Variants in PPP2R3B observed in about 807,000 individuals in gnomAD.
PPP2R3B encodes the protein serine/threonine-protein phosphatase 2A regulatory subunit B'' subunit beta.
A neutral mutation model predicts 72.9 loss-of-function variants in PPP2R3B; 68 were observed. The ratio of observed to expected loss-of-function variants is 0.93; its 90% CI spans 0.77 to 1.14. PPP2R3B has a LOEUF of 1.14. Ranked by LOEUF, PPP2R3B falls within the 50% of genes most tolerant of loss-of-function variation. The pLI, the probability that PPP2R3B is intolerant of heterozygous loss-of-function variation, is 0.00. For synonymous variants in PPP2R3B, 466 were observed against 375.8 expected (o/e 1.24, Z -2.78); for missense variants, 1,018 against 842.0 (o/e 1.21, Z -2.59).
At position 364,593 on chromosome X, in the gene PPP2R3B, C is replaced by G. The variant is rs1161987962; in HGVS notation, c.325-3003G>C. 4.0e-5 allele frequency among the ~76,000 whole-genome samples: 6 copies of G among 149,208 alleles called. 1 individual carries two copies. The highest frequency in any genetic ancestry group is 3.2e-3 in the Middle Eastern group (1 of 314). ...ATTAGCCGGGTGTGGTGGAGGGTGC[C>G]TGTACTCCCAGCTACTCGGGAGGCT... is the stretch of plus-strand genomic sequence containing the variant. On this transcript the variant is annotated intron_variant, in intron 1 of 12. Coordinates refer to ENST00000390665, the MANE Select transcript of PPP2R3B (RefSeq NM_013239.5).
Position 334,651 on chromosome X carries a change from C to T in PPP2R3B, c.1578-134G>A, listed in dbSNP as rs1312910280. On this transcript the variant is annotated intron_variant, in intron 12 of 12. Transcript: ENST00000390665. ...CCCTGAGCCGACCTTGAGCTCCAGC[C>T]GCTGAGCCAGCAACGCGCTCCTGGC... is the stretch of plus-strand genomic sequence containing the variant. 2.0e-5 allele frequency: 22 copies of T among 1,081,690 alleles called. No individual in the cohort carries two copies. The South Asian group carries it at 2.5e-4, about 12-fold the overall frequency. The allele number at this position is 1,081,690 out of a possible 1,614,324, so 67.0% of individuals were successfully genotyped here. A position where few individuals can be genotyped will look rare whatever the true frequency, so the allele number is the denominator to read the frequency against.
chrX:342,327 T>C, intron 7 of PPP2R3B: 1 of 182,534 alleles, frequency 5.5e-6, no homozygotes, highest in Non-Finnish European at 1.0e-5. Flanking sequence ...GAGGCGGGAG[T>C]GAGACCTCAG....
chrX:364,743 T>C lies in PPP2R3B; in HGVS notation c.325-3153A>G, dbSNP rs1353504629. On this transcript the variant is annotated intron_variant, in intron 1 of 12. Transcript: ENST00000390665. ...AAAACAAAACAAACGATTAACCAGG[T>C]GTGGTGGCGCATGCCTGTACTCCCA... is the stretch of plus-strand genomic sequence containing the variant. Among the ~76,000 whole-genome samples the C allele has an allele frequency of 2.6e-4, 18 of 69,074 alleles. 1 individual carries two copies. The highest frequency in any genetic ancestry group is 3.6e-4 in the Non-Finnish European group (14 of 39,100). 45.3% of individuals were successfully genotyped at this position (69,074 alleles called of 152,430 possible).
chrX:334,188 A>C lies in PPP2R3B; in HGVS notation c.*179T>G, dbSNP rs56277063. The C allele has an allele frequency of 4.5e-6, 3 of 661,028 alleles. No individual in the cohort carries two copies. Among genetic ancestry groups the C allele is most frequent in the Non-Finnish European group, 6.8e-6 (3 of 444,442 alleles). 40.9% of individuals were successfully genotyped at this position (661,028 alleles called of 1,614,324 possible). Reference sequence around the variant, plus strand: ...GGCCCTACGTGTCCCCCTGGCACAGAGCTCTGGGCAGGTCCAGCCACGAAC... The same window carrying C: ...GGCCCTACGTGTCCCCCTGGCACAGCGCTCTGGGCAGGTCCAGCCACGAAC... On this transcript the variant is annotated 3_prime_UTR_variant, in exon 13 of 13. Coordinates refer to ENST00000390665, the MANE Select transcript of PPP2R3B (RefSeq NM_013239.5).
chrX:381,464 T>C (rs1288927220), intron 1 of PPP2R3B, among the ~76,000 whole-genome samples: 1 of 152,096 alleles, frequency 6.6e-6, no homozygotes, highest in African/African-American at 2.4e-5. Flanking sequence ...CTGCTTTATT[T>C]ATGAAAATCT....
chrX:367,975 G>A (rs1305566355), intron 1 of PPP2R3B, among the ~76,000 whole-genome samples: 3 of 152,260 alleles, frequency 2.0e-5, no homozygotes, highest in African/African-American at 7.2e-5. Flanking sequence ...GAACGCTGAA[G>A]AGGTCAGTCA....
In PPP2R3B at chrX:365,410, G is replaced by A. The variant is rs1251958349; in HGVS notation, c.325-3820C>T. Among the ~76,000 whole-genome samples, 36 of 34,336 alleles carry A rather than the reference G, an allele frequency of 1.0e-3. 1 individual carries two copies. In the East Asian group the frequency reaches 0.073, roughly 70 times the overall value. The allele number at this position is 34,336 out of a possible 152,430, so 22.5% of individuals were successfully genotyped here. On this transcript the variant is annotated intron_variant, in intron 1 of 12. Transcript: ENST00000390665. ...AACAAACGATTAACCAGGTGTGGTG[G>A]CGCATGCCTGTACTCCCAGCTACTC... is the stretch of plus-strand genomic sequence containing the variant.
chrX:347,970 G>T (rs1176407959), intron 2 of PPP2R3B: 1 of 419,040 alleles, frequency 2.4e-6, no homozygotes, highest in East Asian at 4.0e-5. Context: ...TGCATCCCCA[G>T]CGTCTGGAAA....
chrX:344,917 G>A (rs2071164122), intron 7 of PPP2R3B: 1 of 346,330 alleles, frequency 2.9e-6, no homozygotes, highest in African/African-American at 2.2e-5. Context: ...TTGGTCATAT[G>A]GTTTTTTGGG....
At chrX:374,859 G>A (rs1354588637) in intron 1 of PPP2R3B, among the ~76,000 whole-genome samples, 2 of 152,164 alleles carry the variant, frequency 1.3e-5, no homozygotes, top group Admixed American at 6.5e-5. Context: ...GTGGGGTCAC[G>A]CAGAGGAGTT....
At chrX:376,105 C>T (rs1316795297) in intron 1 of PPP2R3B, among the ~76,000 whole-genome samples, 1 of 151,780 alleles carries the variant, frequency 6.6e-6, no homozygotes, top group Non-Finnish European at 1.5e-5. Flanking sequence ...GGAGAAGAAT[C>T]GCTTGAACTC....
Position 345,519 on chromosome X carries a change from G to A in PPP2R3B, c.1033C>T (p.His345Tyr), listed in dbSNP as rs1263827446. 5.6e-6 allele frequency: 9 copies of A among 1,612,786 alleles called. No homozygotes were observed. Among genetic ancestry groups the A allele is most frequent in the Non-Finnish European group, 7.6e-6 (9 of 1,179,516 alleles). Reference protein sequence around the residue: ...DADDLARHNDHALSTKMIDRI... With the variant: ...DADDLARHNDYALSTKMIDRI... ...CCGCCCCTGTGCCCCCACGCACCGTGGTCATTGTGCCGCGCCAGGTCGTCC... is the reference window on the plus strand; with the variant it reads ...CCGCCCCTGTGCCCCCACGCACCGTAGTCATTGTGCCGCGCCAGGTCGTCC... The change falls in exon 7 of 13, where the codon CAC becomes TAC. Residue 345 changes from histidine (H) to tyrosine (Y), a missense_variant. By Grantham distance (83) the His-to-Tyr change is moderately conservative. Transcript: ENST00000390665.
In PPP2R3B at chrX:338,598, A is replaced by G. The variant is rs779603115; in HGVS notation, c.1577+6T>C. 66 of 1,580,644 alleles carry G rather than the reference A, an allele frequency of 4.2e-5. No homozygotes were observed. The highest frequency in any genetic ancestry group is 5.5e-5 in the Non-Finnish European group (64 of 1,167,916). On this transcript the variant is annotated splice_donor_region_variant and intron_variant, in intron 12 of 12. Transcript: ENST00000390665. Reference sequence around the variant, plus strand: ...GTCCCCCCACTCACCCGTCCTCCCCACTCACCCGTCCTCCCAGGGCTCTCC... The same window carrying G: ...GTCCCCCCACTCACCCGTCCTCCCCGCTCACCCGTCCTCCCAGGGCTCTCC...
chrX:346,746 C>G lies in PPP2R3B; in HGVS notation c.747G>C (p.Ser249=). 6.2e-7 allele frequency: 1 copy of G among 1,610,634 alleles called. No homozygotes were observed. The highest frequency in any genetic ancestry group is 1.1e-5 in the South Asian group (1 of 90,916). ...QDVVNTHPGL[S]FLKEASEFHS... ...GGAACTCGGACGCCTCCTTCAGGAA[C>G]GACAGCCCCGGGTGCGTGTTCACCA... Residue 249 remains serine, a synonymous_variant, in exon 5 of 13, where the codon TCG becomes TCC. Transcript: ENST00000390665.
intron 2 of PPP2R3B, among the ~76,000 whole-genome samples, chrX:354,526 A>G (rs1372955784): frequency 6.6e-6 from 1 of 152,248 alleles, no homozygotes; most frequent in Non-Finnish European, 1.5e-5. Flanking sequence ...CATCCCGGAC[A>G]AACTTCAAGG....
chrX:340,871 G>A lies in PPP2R3B; in HGVS notation c.1245C>T (p.Tyr415=), dbSNP rs756566078. ...DGALSMFELE[Y]FYEEQCRRLD... Reference sequence around the variant, plus strand: ...GCCTTCGGCACTGCTCCTCGTAGAAGTACTCGAGCTCGAACATGGACAGGG... The same window carrying A: ...GCCTTCGGCACTGCTCCTCGTAGAAATACTCGAGCTCGAACATGGACAGGG... Residue 415 remains tyrosine, a synonymous_variant, in exon 10 of 13, where the codon TAC becomes TAT. Coordinates refer to ENST00000390665, the MANE Select transcript of PPP2R3B (RefSeq NM_013239.5). The A allele has an allele frequency of 1.8e-5, 29 of 1,612,032 alleles. No homozygotes were observed. Among genetic ancestry groups the A allele is most frequent in the Non-Finnish European group, 2.5e-5 (29 of 1,179,700 alleles).
At chrX:349,800 G>C (rs2071290950) in intron 2 of PPP2R3B, among the ~76,000 whole-genome samples, 1 of 152,144 alleles carries the variant, frequency 6.6e-6, no homozygotes, top group Non-Finnish European at 1.5e-5. Flanking sequence ...ATCACACACA[G>C]TGTCTACAAA....
At chrX:351,036 G>A (rs1202433468) in intron 2 of PPP2R3B, among the ~76,000 whole-genome samples, 3 of 152,294 alleles carry the variant, frequency 2.0e-5, no homozygotes, top group Middle Eastern at 3.4e-3. Context: ...GACTGCAGAG[G>A]GGGCTGCGCG....
intron 1 of PPP2R3B, among the ~76,000 whole-genome samples, chrX:385,606 A>T (rs1358846744): frequency 6.6e-6 from 1 of 151,714 alleles, no homozygotes; most frequent in African/African-American, 2.4e-5. Context: ...TAACATAGCA[A>T]GACCTCGTCT....
Sources: gnomAD v4.1 joint callset for allele counts (sites outside exome capture counted in the v4.1 genomes callset) on GRCh38, gnomAD v4.1.1 for gene constraint, MANE v1.5 for transcripts, NCBI Gene and HGNC (gene_info 2026-07-23, HGNC 2026-07-21) for gene names.